MAP3K7CL: variants seen among roughly 807,000 people sequenced by gnomAD.
MAP3K7CL encodes MAP3K7 C-terminal like.
In MAP3K7CL, 16 loss-of-function variants were observed where a neutral mutation model predicts 18.6. The observed-to-expected ratio is 0.86, with a 90% CI of 0.58 to 1.31. The LOEUF is 1.31. MAP3K7CL is among the 50% of genes most tolerant of loss of function. The pLI is 0.00. For synonymous variants in MAP3K7CL, 65 were observed against 66.8 expected, an observed-to-expected ratio of 0.97 and a Z score of 0.13; for missense variants, 163 against 174.4, an observed-to-expected ratio of 0.93 and a Z score of 0.37.
upstream of MAP3K7CL, among the ~76,000 whole-genome samples, chr21:29,126,793 G>A (rs1483261162): frequency 2.0e-5 from 3 of 152,076 alleles, no homozygotes; most frequent in African/African-American, 7.2e-5. Flanking sequence ...TGGCCCTTTA[G>A]AGAAAAATTG....
At chr21:29,125,262 A>G (rs955401102) in intron 4 of MAP3K7CL, among the ~76,000 whole-genome samples, 2 of 152,236 alleles carry the variant, frequency 1.3e-5, no homozygotes, top group South Asian at 2.1e-4. Context: ...TTTGTGGCAT[A>G]TAATTTATTA....
upstream of MAP3K7CL, among the ~76,000 whole-genome samples, chr21:29,083,683 A>G (rs1405877520): frequency 2.0e-5 from 3 of 152,110 alleles, no homozygotes; most frequent in African/African-American, 7.2e-5. Context: ...CTCTGGTGCA[A>G]CATTTCTGTC....
chr21:29,088,501 C>T (rs1340788156), intron 1 of MAP3K7CL, among the ~76,000 whole-genome samples: 1 of 152,132 alleles, frequency 6.6e-6, no homozygotes, highest in Non-Finnish European at 1.5e-5. Context: ...TTACACACTG[C>T]AAAGTTTAAT....
upstream of MAP3K7CL, among the ~76,000 whole-genome samples, chr21:29,085,545 T>TA (rs33938293): frequency 1.5e-3 from 75 of 48,986 alleles, 2 homozygotes; most frequent in Middle Eastern, 0.01. Context: ...AGACTCTGTC[T>TA]AAAAAAAAAA....
intron 3 of MAP3K7CL, chr21:29,092,135 G>C (rs2832169): frequency 0.18 from 67,291 of 380,044 alleles, 6,735 homozygotes; most frequent in Non-Finnish European, 0.2. Context: ...TTCTAGAAGT[G>C]GTAGAAATCC....
At chr21:29,125,297 G>C (rs2086663269) in intron 4 of MAP3K7CL, among the ~76,000 whole-genome samples, 1 of 152,204 alleles carries the variant, frequency 6.6e-6, no homozygotes, top group Admixed American at 6.5e-5. Flanking sequence ...AGTCCTACAT[G>C]AGTAAGAGAC....
At position 29,159,987 on chromosome 21, in the gene MAP3K7CL, A is replaced by G. The variant is rs774476249; in HGVS notation, c.179A>G (p.Lys60Arg). 1.9e-6 allele frequency: 3 copies of G among 1,614,164 alleles called. No homozygotes were observed. Among genetic ancestry groups the G allele is most frequent in the Non-Finnish European group, 1.7e-6 (2 of 1,179,986 alleles). The stretch of plus-strand genomic sequence containing the variant: ...TCCGAGGAATCCATGGAGGTGTTCA[A>G]ACAGCACTGCCAAATAGCAGAAGAA... ...HDSEESMEVF[K>R]QHCQIAEEYH... Residue 60 changes from lysine (K) to arginine (R), a missense_variant, in exon 4 of 5, where the codon AAA becomes AGA. Transcript: ENST00000399928.
intron 1 of MAP3K7CL, among the ~76,000 whole-genome samples, chr21:29,088,406 C>T (rs2832161): frequency 0.051 from 7,754 of 152,222 alleles, 458 homozygotes; most frequent in East Asian, 0.16. Flanking sequence ...ATTACATTTT[C>T]GCACTGTTTT....
chr21:29,122,962 G>A lies in MAP3K7CL; in HGVS notation c.371-26227G>A, dbSNP rs181269243. ...ATAAGAACTTTGTACATTTGATTTT[G>A]TAAGAGTTTTATAAAAAGATTATAT... On this transcript the variant is annotated intron_variant, in intron 4 of 6. Coordinates refer to the MAP3K7CL transcript ENST00000286791. Among the ~76,000 whole-genome samples the A allele has an allele frequency of 7.5e-4, 113 of 150,116 alleles. 2 individuals carry two copies. Among genetic ancestry groups the A allele is most frequent in the African/African-American group, 2.5e-3 (103 of 40,830 alleles).
intron 4 of MAP3K7CL, among the ~76,000 whole-genome samples, chr21:29,160,544 T>C (rs1206870041): frequency 6.6e-6 from 1 of 152,252 alleles, no homozygotes; most frequent in Non-Finnish European, 1.5e-5. Context: ...TAGGGAATTA[T>C]ACAGTTCTAT....
At chr21:29,148,764 T>TG (rs2087202452) in intron 2 of MAP3K7CL, among the ~76,000 whole-genome samples, 1 of 152,222 alleles carries the variant, frequency 6.6e-6, no homozygotes, top group Non-Finnish European at 1.5e-5. Context: ...TTGTGGCACT[T>TG]GGAGTCATTC....
At chr21:29,090,415 C>G (rs987232206) in intron 1 of MAP3K7CL, among the ~76,000 whole-genome samples, 2 of 151,944 alleles carry the variant, frequency 1.3e-5, no homozygotes, top group Non-Finnish European at 2.9e-5. Flanking sequence ...GAGGCTCACT[C>G]TGTCGCCCAG....
intron 2 of MAP3K7CL, among the ~76,000 whole-genome samples, chr21:29,135,379 T>A (rs1023428911): frequency 1.3e-5 from 2 of 152,306 alleles, no homozygotes; most frequent in Non-Finnish European, 2.9e-5. Flanking sequence ...GGAAAATGTA[T>A]AATTTCCTTT....
At chr21:29,080,614 TC>T (rs1009836915) in intron 1 of MAP3K7CL, 2 of 152,226 alleles carry the variant, frequency 1.3e-5, no homozygotes, top group African/African-American at 4.8e-5. Context: ...GCTTTCTGGG[TC>T]AAAGCCCTGG....
At chr21:29,126,615 C>T (rs547135320), upstream of MAP3K7CL, among the ~76,000 whole-genome samples, 70 of 152,208 alleles carry the variant, frequency 4.6e-4, no homozygotes, top group East Asian at 0.011. Context: ...CTCGCCACCA[C>T]GCCTGGCTAA....
rs901447577 is a variant in MAP3K7CL, at chr21:29,151,777, C to T, written c.132+2527C>T. On this transcript the variant is annotated intron_variant, in intron 3 of 4. Coordinates refer to ENST00000399928, the MANE Select transcript of MAP3K7CL (RefSeq NM_001286620.2). The stretch of plus-strand genomic sequence containing the variant: ...TCTTCTCTGGCTCGTGGATCATTCT[C>T]CACAAGACTCACAGTAGCTCTGGCA... Among the ~76,000 whole-genome samples, 4 of 152,326 alleles carry T rather than the reference C, an allele frequency of 2.6e-5. No individual in the cohort carries two copies. The South Asian group carries it at 8.3e-4, about 32-fold the overall frequency.
upstream of MAP3K7CL, chr21:29,128,305 AT>A (rs537659012): frequency 5.3e-3 from 767 of 145,258 alleles, 2 homozygotes; most frequent in Non-Finnish European, 7.9e-3. Context: ...TTTCAATTAA[AT>A]TTTTTTTTTT....
chr21:29,109,613 C>T (rs1601169387), intron 4 of MAP3K7CL: 7 of 997,874 alleles, frequency 7.0e-6, no homozygotes, highest in Non-Finnish European at 8.4e-6. Flanking sequence ...TTATTCCCCT[C>T]GTCACAGAGT....
intron 4 of MAP3K7CL, among the ~76,000 whole-genome samples, chr21:29,166,838 G>A (rs1274344958): frequency 6.6e-6 from 1 of 151,976 alleles, no homozygotes; most frequent in Non-Finnish European, 1.5e-5. Context: ...GCACTTCTTG[G>A]CTATTGTGAA....
Sources: allele counts gnomAD v4.1 joint callset (sites outside exome capture counted in the v4.1 genomes callset), GRCh38; gene constraint gnomAD v4.1.1; transcripts MANE v1.5; gene names NCBI Gene and HGNC (gene_info 2026-07-23, HGNC 2026-07-21).